ALK: variants seen among roughly 807,000 people sequenced by gnomAD.
ALK encodes ALK receptor tyrosine kinase.
Under a neutral mutation model 163.1 loss-of-function variants are expected in ALK, and 74 were observed. That is an observed-to-expected ratio of 0.45 (90% CI 0.38 to 0.55). The LOEUF (loss-of-function observed/expected upper bound fraction) is 0.55, where lower values mean the gene tolerates loss of function less well. Ranked by LOEUF, ALK falls within the 20% of genes least tolerant of loss-of-function variation. The pLI, the probability that ALK is intolerant of heterozygous loss-of-function variation, is 0.00. For synonymous variants in ALK, 960 were observed against 843.2 expected, an observed-to-expected ratio of 1.14 and a Z score of -2.40; for missense variants, 2,063 against 2,105.3, an observed-to-expected ratio of 0.98 and a Z score of 0.39.
chr2:29,237,471 T>G (rs1664415095), intron 13 of ALK, among the ~76,000 whole-genome samples: 1 of 152,166 alleles, frequency 6.6e-6, no homozygotes, highest in African/African-American at 2.4e-5. Context: ...CCAGCCCGAG[T>G]GTTCCTTGAG....
At chr2:29,303,641 C>G (rs1666428588) in intron 8 of ALK, among the ~76,000 whole-genome samples, 1 of 152,174 alleles carries the variant, frequency 6.6e-6, no homozygotes, top group Admixed American at 6.5e-5. Context: ...CTACGTGTCC[C>G]TCAATGGTGC....
intron 3 of ALK, among the ~76,000 whole-genome samples, chr2:29,686,028 C>A (rs1032308673): frequency 6.6e-6 from 1 of 152,196 alleles, no homozygotes; most frequent in African/African-American, 2.4e-5. Flanking sequence ...CTTTTAAGGT[C>A]CCCTGTGATT....
intron 1 of ALK, among the ~76,000 whole-genome samples, chr2:29,722,780 C>T (rs1679458497): frequency 6.6e-6 from 1 of 152,158 alleles, no homozygotes; most frequent in Non-Finnish European, 1.5e-5. Flanking sequence ...CACTTTATTG[C>T]CCAATAAGCA....
At chr2:29,688,408 C>T (rs778375553) in intron 3 of ALK, among the ~76,000 whole-genome samples, 31 of 152,250 alleles carry the variant, frequency 2.0e-4, no homozygotes, top group Non-Finnish European at 4.0e-4. Context: ...AAAAGAAAAC[C>T]TTTGCTAATA....
At chr2:29,726,503 T>C (rs1679580472) in intron 1 of ALK, among the ~76,000 whole-genome samples, 1 of 151,936 alleles carries the variant, frequency 6.6e-6, no homozygotes, top group South Asian at 2.1e-4. Flanking sequence ...AGTGAGAGAG[T>C]CCTGGTAAGG....
chr2:29,817,565 T>G (rs569176339), intron 1 of ALK, among the ~76,000 whole-genome samples: 1 of 151,656 alleles, frequency 6.6e-6, no homozygotes, highest in South Asian at 2.1e-4. Context: ...ACAGAAAGAG[T>G]GCTTAGGGAT....
intron 2 of ALK, among the ~76,000 whole-genome samples, chr2:29,716,434 T>C (rs1679257388): frequency 6.6e-6 from 1 of 152,250 alleles, no homozygotes; most frequent in Non-Finnish European, 1.5e-5. Context: ...AATTAAAATG[T>C]TCATTTGAAA....
chr2:29,517,480 T>A (rs537065784), intron 4 of ALK, among the ~76,000 whole-genome samples: 11 of 152,284 alleles, frequency 7.2e-5, no homozygotes, highest in Non-Finnish European at 1.6e-4. Flanking sequence ...TATGAGGACG[T>A]CCAGATTTCT....
intron 1 of ALK, among the ~76,000 whole-genome samples, chr2:29,829,648 C>T (rs1272217275): frequency 6.6e-6 from 1 of 152,050 alleles, no homozygotes; most frequent in Non-Finnish European, 1.5e-5. Flanking sequence ...ACATTTTCAC[C>T]TAAGGGGGGT....
intron 22 of ALK, among the ~76,000 whole-genome samples, chr2:29,221,760 A>G (rs1043014875): frequency 1.3e-4 from 20 of 152,142 alleles, no homozygotes; most frequent in Non-Finnish European, 2.9e-4. Context: ...CCAGTGTGAC[A>G]GGGGGCCATG....
intron 3 of ALK, among the ~76,000 whole-genome samples, chr2:29,654,211 G>A (rs72864461): frequency 0.013 from 1,969 of 152,260 alleles, 39 homozygotes; most frequent in African/African-American, 0.046. Flanking sequence ...GATTAAAAGA[G>A]TTGGCCAAAA....
chr2:29,493,596 C>A (rs1239146757), intron 4 of ALK, among the ~76,000 whole-genome samples: 1 of 152,184 alleles, frequency 6.6e-6, no homozygotes, highest in Admixed American at 6.5e-5. Context: ...GCTTTCAAAA[C>A]AAAACTGACT....
chr2:29,453,127 A>T (rs1670863912), intron 4 of ALK, among the ~76,000 whole-genome samples: 1 of 152,230 alleles, frequency 6.6e-6, no homozygotes, highest in Non-Finnish European at 1.5e-5. Context: ...TTCAGTAATT[A>T]TGTTTTAGTT....
At chr2:29,298,214 A>G (rs1354364170) in intron 8 of ALK, among the ~76,000 whole-genome samples, 1 of 152,334 alleles carries the variant, frequency 6.6e-6, no homozygotes, top group East Asian at 1.9e-4. Context: ...TGGACCTTGT[A>G]AGCCTGGTCT....
chr2:29,792,857 G>T (rs1423507594), intron 1 of ALK, among the ~76,000 whole-genome samples: 1 of 152,098 alleles, frequency 6.6e-6, no homozygotes, highest in Non-Finnish European at 1.5e-5. Flanking sequence ...ACAATCATCT[G>T]GGTCTTTGGT....
chr2:29,683,913 T>G lies in ALK; in HGVS notation c.952+10937A>C, dbSNP rs572586362. On this transcript the variant is annotated intron_variant, in intron 3 of 28. Coordinates refer to ENST00000389048, the MANE Select transcript of ALK (RefSeq NM_004304.5). ...GTCTCTTGTGCATTATTTTGATTGA[T>G]TTTTATAACAAGTCAGGAAAGGGAG... Among the ~76,000 whole-genome samples, 4 of 152,304 alleles carry G rather than the reference T, an allele frequency of 2.6e-5. No homozygotes were observed. In the South Asian group the frequency reaches 8.3e-4, roughly 32 times the overall value.
chr2:29,223,193 T>A, intron 20 of ALK, 149 bp downstream of exon 20: 1 of 767,076 alleles, frequency 1.3e-6, no homozygotes, highest in East Asian at 2.7e-5. Flanking sequence ...TGGCCCTGAA[T>A]GTCAAGGCTT....
chr2:29,858,899 C>A lies in ALK; in HGVS notation c.667+61094G>T, dbSNP rs190509366. Among the ~76,000 whole-genome samples, 8 of 150,298 alleles carry A rather than the reference C, an allele frequency of 5.3e-5. No individual in the cohort carries two copies. In the East Asian group the frequency reaches 1.6e-3, roughly 30 times the overall value. ...ACTAAAAATACAAAAATTAGCCAGG[C>A]ACACGTGCCTGTAGTCCCAGCTACT... On this transcript the variant is annotated intron_variant, in intron 1 of 28. Coordinates refer to ENST00000389048, the MANE Select transcript of ALK (RefSeq NM_004304.5).
intron 5 of ALK, 39 bp downstream of exon 5, chr2:29,383,693 T>C (rs948928114): frequency 8.7e-6 from 14 of 1,613,418 alleles, no homozygotes; most frequent in African/African-American, 2.7e-5. Flanking sequence ...TCTAACACAA[T>C]AGGCTACCAA....
Sources: allele counts gnomAD v4.1 joint callset (sites outside exome capture counted in the v4.1 genomes callset), GRCh38; gene constraint gnomAD v4.1.1; transcripts MANE v1.5; gene names NCBI Gene and HGNC (gene_info 2026-07-23, HGNC 2026-07-21).